The following SETD1B variants were observed in gnomAD, a reference collection of about 807,000 sequenced individuals.
SETD1B encodes the protein histone-lysine N-methyltransferase SETD1B.
In SETD1B, 7 loss-of-function variants were observed where a neutral mutation model predicts 148.0. The ratio of observed to expected loss-of-function variants is 0.05; its 90% CI spans 0.03 to 0.09. The LOEUF (loss-of-function observed/expected upper bound fraction) is 0.09. Among genes scored for constraint, SETD1B ranks in the 10% least tolerant of loss-of-function variants. The pLI is 1.00. For synonymous variants in SETD1B, 1,361 were observed against 1,186.5 expected (o/e 1.15, Z -3.02); for missense variants, 2,155 against 2,729.9 (o/e 0.79, Z 4.69).
At position 121,817,362 on chromosome 12, in the gene SETD1B, TC is replaced by T. The variant is rs1317593857; in HGVS notation, c.2978-6del. ...CCAGCCCAGCTCTGACTCCCTCCCT[TC>T]CTGCAGAGTCCGAGCGAGAGCGAGA... On this transcript the variant is annotated splice_region_variant and splice_polypyrimidine_tract_variant and intron_variant, in intron 8 of 16. Coordinates refer to ENST00000604567, the MANE Select transcript of SETD1B (RefSeq NM_001353345.2). This position sits in a 1 kb window ranked among gnomAD's most constrained non-coding sequence, Gnocchi z 8.1. 6.5e-7 allele frequency: 1 copy of T among 1,528,114 alleles called. No homozygotes were observed. 94.7% of individuals were successfully genotyped at this position (1,528,114 alleles called of 1,614,324 possible).
chr12:121,813,150 C>T (rs1876120429), intron 6 of SETD1B, among the ~76,000 whole-genome samples: 1 of 152,174 alleles, frequency 6.6e-6, no homozygotes, highest in African/African-American at 2.4e-5. Flanking sequence ...ACGGCTGAGG[C>T]TCTGAGTGTG....
Position 121,830,818 on chromosome 12 carries a change from C to T in SETD1B, c.*579C>T, listed in dbSNP as rs760197264. On this transcript the variant is annotated 3_prime_UTR_variant, in exon 17 of 17. Transcript: ENST00000604567. The surrounding 1 kb of genome is among the most constrained non-coding windows in gnomAD (Gnocchi z 5.7). ...CCACGGCCTTGACCTCAGAACACTA[C>T]GCCCTGAAAGCGCCCCTCACTGCCC... The T allele has an allele frequency of 8.5e-5, 13 of 152,304 alleles. No homozygotes were observed. The highest frequency in any genetic ancestry group is 1.3e-4 in the Non-Finnish European group (9 of 68,212). The allele number at this position is 152,304 out of a possible 1,614,324, so 9.4% of individuals were successfully genotyped here.
At chr12:121,793,270 G>A in the SETD1B span, 2 of 1,541,112 alleles carry the variant, frequency 1.3e-6, no homozygotes, top group African/African-American at 1.4e-5. Context: ...TTGGTCCTTA[G>A]TGGGGCCGGC....
the SETD1B span, among the ~76,000 whole-genome samples, chr12:121,796,882 T>C: frequency 1.3e-5 from 2 of 151,930 alleles, no homozygotes; most frequent in Non-Finnish European, 2.9e-5. Context: ...CTACTAAAAA[T>C]ACAAAATTAT....
Position 121,827,808 on chromosome 12 carries a change from C to T in SETD1B, c.5543C>T (p.Ala1848Val), listed in dbSNP as rs780663276. 5.1e-6 allele frequency: 8 copies of T among 1,559,674 alleles called. No homozygotes were observed. Among genetic ancestry groups the T allele is most frequent in the South Asian group, 2.4e-5 (2 of 84,730 alleles). Residue 1848 changes from alanine (A) to valine (V), a missense_variant, in exon 15 of 17, where the codon GCG becomes GTG. Physicochemically the swap from Ala to Val is moderately conservative, Grantham distance 64. Around this residue, in one of 11 missense-constraint regions of SETD1B, gnomAD observed 51 missense variants for 162.8 expected, o/e 0.31. Coordinates refer to ENST00000604567, the MANE Select transcript of SETD1B (RefSeq NM_001353345.2). ...GGCTTGTTCGCCATGGAGCCCATCG[C>T]GGCTGACGAGATGGTCATCGAGTAC... is the stretch of plus-strand genomic sequence containing the variant. ...DWGLFAMEPI[A>V]ADEMVIEYVG... is the part of the protein sequence containing the mutation.
upstream of SETD1B, chr12:121,803,821 G>C (rs1251564771): frequency 6.6e-6 from 1 of 152,608 alleles, no homozygotes; most frequent in African/African-American, 2.4e-5. The surrounding 1 kb of genome is among the most constrained non-coding windows in gnomAD (Gnocchi z 4.7). Flanking sequence ...TTCCCCCGGG[G>C]AGGGGGAGGC....
chr12:121,805,248 T>G lies in SETD1B; in HGVS notation c.273+32T>G. On this transcript the variant is annotated intron_variant, in intron 3 of 16. Coordinates refer to ENST00000604567, the MANE Select transcript of SETD1B (RefSeq NM_001353345.2). The surrounding 1 kb of genome is among the most constrained non-coding windows in gnomAD (Gnocchi z 4.2). ...CCCCTCCCCACTGCCCCGCCGTCCC[T>G]CCCCCACCTCCCCGAGTTCGAAAAT... The G allele has an allele frequency of 8.7e-7, 1 of 1,143,058 alleles. No individual in the cohort carries two copies. The highest frequency in any genetic ancestry group is 1.1e-6 in the Non-Finnish European group (1 of 875,316). The allele number at this position is 1,143,058 out of a possible 1,614,324, so 70.8% of individuals were successfully genotyped here.
chr12:121,804,956 C>T lies in SETD1B; in HGVS notation c.174+45C>T, dbSNP rs750100047. The T allele has an allele frequency of 3.9e-5, 57 of 1,475,630 alleles. 1 individual carries two copies. The East Asian group carries it at 1.0e-3, about 27-fold the overall frequency. 91.4% of individuals were successfully genotyped at this position (1,475,630 alleles called of 1,614,324 possible). On this transcript the variant is annotated intron_variant, in intron 2 of 16. Transcript: ENST00000604567. The surrounding 1 kb of genome is among the most constrained non-coding windows in gnomAD (Gnocchi z 4.6). ...CCCCAGCCGTGCCCCGCGTCGTGTC[C>T]GGGGAGACGCGCCTAGCGGCCAGGG...
intron 4 of SETD1B, among the ~76,000 whole-genome samples, chr12:121,806,854 C>G (rs926465939): frequency 6.6e-6 from 1 of 152,198 alleles, no homozygotes; most frequent in African/African-American, 2.4e-5. Flanking sequence ...CCCTGCAGGA[C>G]CAAGGGGCTT....
At chr12:121,793,419 G>A in the SETD1B span, 21 of 1,514,750 alleles carry the variant, frequency 1.4e-5, no homozygotes, top group Non-Finnish European at 1.7e-5. Flanking sequence ...CGGGACGCTG[G>A]GGACTGAGGG....
intron 13 of SETD1B, among the ~76,000 whole-genome samples, chr12:121,826,482 G>A (rs1876846786): frequency 1.3e-5 from 2 of 152,186 alleles, no homozygotes; most frequent in African/African-American, 4.8e-5. Flanking sequence ...TAGGACAGCA[G>A]CAGTGCAAAG....
At chr12:121,797,804 C>G in the SETD1B span, 6 of 353,100 alleles carry the variant, frequency 1.7e-5, no homozygotes, top group Admixed American at 2.3e-4. Context: ...AAATTTAAAA[C>G]AGGTTTCAGG....
intron 7 of SETD1B, among the ~76,000 whole-genome samples, chr12:121,815,799 C>T (rs1023599867): frequency 2.6e-5 from 4 of 151,424 alleles, no homozygotes; most frequent in African/African-American, 9.7e-5. Context: ...CCGCTCCTGG[C>T]CTACTTACTA....
chr12:121,823,240 G>A lies in SETD1B; in HGVS notation c.4661G>A (p.Gly1554Asp), dbSNP rs895440551. ...GGAAGGGAACTCCTGCTCCTGCCGG[G>A]CCAGCCACAGACCCCCGTCTTCCCC... ...ALGRELLLLPGQPQTPVFPST... is the reference protein window; with the variant it reads ...ALGRELLLLPDQPQTPVFPST... Residue 1554 changes from glycine to aspartate, a missense_variant, in exon 12 of 17, where the codon GGC (glycine) becomes GAC (aspartate). By Grantham distance (94) the Gly-to-Asp change is moderately conservative. Transcript: ENST00000604567. 42 of 1,549,622 alleles carry A rather than the reference G, an allele frequency of 2.7e-5. No homozygotes were observed. Among genetic ancestry groups the A allele is most frequent in the Middle Eastern group, 1.7e-4 (1 of 6,012 alleles).
Position 121,814,398 on chromosome 12 carries a change from C to A in SETD1B, c.2183C>A (p.Pro728Gln). The A allele has an allele frequency of 7.2e-7, 1 of 1,380,630 alleles. No homozygotes were observed. The highest frequency in any genetic ancestry group is 9.5e-7 in the Non-Finnish European group (1 of 1,052,256). 85.5% of individuals were successfully genotyped at this position (1,380,630 alleles called of 1,614,324 possible). The part of the protein sequence containing the change: ...PAHPAVTVPP[P>Q]PLPAPPGVPP... ...CACCCTGCTGTGACAGTGCCCCCAC[C>A]ACCCTTGCCAGCGCCGCCTGGAGTC... Residue 728 changes from proline to glutamine, a missense_variant, in exon 7 of 17, where the codon CCA becomes CAA. Pro to Gln is a moderately conservative substitution (Grantham distance 76). Transcript: ENST00000604567.
intron 10 of SETD1B, 64 bp from the exon 11 acceptor site, chr12:121,819,340 G>A (rs940092974): frequency 1.2e-5 from 19 of 1,543,722 alleles, no homozygotes; most frequent in Admixed American, 4.1e-5. Context: ...ATTGGTGAGG[G>A]GTCTGGTGGG....
chr12:121,814,786 C>A lies in SETD1B; in HGVS notation c.2571C>A (p.His857Gln). 6.4e-7 allele frequency: 1 copy of A among 1,551,560 alleles called. No homozygotes were observed. Among genetic ancestry groups the A allele is most frequent in the Non-Finnish European group, 8.7e-7 (1 of 1,146,994 alleles). Reference sequence around the variant, plus strand: ...ACATGCCACGCCAGGAGGACCCACACAAAGCCACGGTGGATGGCGTCCTGC... The same window carrying A: ...ACATGCCACGCCAGGAGGACCCACAAAAAGCCACGGTGGATGGCGTCCTGC... ...PGYMPRQEDP[H>Q]KATVDGVLLV... is the part of the protein sequence containing the mutation. The change falls in exon 7 of 17, where the codon CAC (histidine) becomes CAA (glutamine). Residue 857 changes from histidine to glutamine, a missense_variant. By Grantham distance (24) the His-to-Gln change is conservative. This residue lies in a region of SETD1B where 289 missense variants were observed against 423.7 expected (regional missense o/e 0.68). Transcript: ENST00000604567.
intron 5 of SETD1B, 41 bp from the exon 6 acceptor site, chr12:121,809,562 A>ATATGGTCTGACATCTC (rs879850207): frequency 8.0e-6 from 12 of 1,499,872 alleles, no homozygotes; most frequent in Non-Finnish European, 1.1e-5. Flanking sequence ...GTTCCATTGC[A>ATATGGTCTGACATCTC]TGTTTTCCCC....
At chr12:121,793,284 G>A in the SETD1B span, 2 of 1,519,896 alleles carry the variant, frequency 1.3e-6, no homozygotes, top group East Asian at 4.9e-5. Flanking sequence ...GGCCGGCGGG[G>A]GCCAAAGTTC....
Sources: allele counts gnomAD v4.1 joint callset (sites outside exome capture counted in the v4.1 genomes callset), GRCh38; gene constraint gnomAD v4.1.1; regional missense constraint gnomAD v4.1.1; non-coding constraint Gnocchi (gnomAD v3.1); transcripts MANE v1.5; gene names NCBI Gene and HGNC (gene_info 2026-07-23, HGNC 2026-07-21).